Variants in FUT8 observed in about 807,000 individuals in gnomAD.
FUT8 encodes alpha-(1,6)-fucosyltransferase.
A neutral mutation model predicts 71.3 loss-of-function variants in FUT8; 29 were observed. The observed-to-expected ratio is 0.41, with a 90% confidence interval of 0.30 to 0.55. FUT8 has a LOEUF of 0.55. Among genes scored for constraint, FUT8 ranks in the 20% least tolerant of loss-of-function variants. The pLI, the probability that FUT8 is intolerant of heterozygous loss-of-function variation, is 0.34. For synonymous variants in FUT8, 254 were observed against 239.3 expected, an observed-to-expected ratio of 1.06 and a Z score of -0.57; for missense variants, 544 against 702.1, an observed-to-expected ratio of 0.77 and a Z score of 2.55.
chr14:65,530,825 C>A (rs1037729359), intron 2 of FUT8, among the ~76,000 whole-genome samples: 1 of 150,764 alleles, frequency 6.6e-6, no homozygotes, highest in Non-Finnish European at 1.5e-5. Flanking sequence ...CTCTCTCTCT[C>A]TCTCTCCCTC....
At chr14:65,559,884 TA>T (rs1328695578) in intron 2 of FUT8, among the ~76,000 whole-genome samples, 4 of 152,162 alleles carry the variant, frequency 2.6e-5, no homozygotes, top group African/African-American at 9.7e-5. Flanking sequence ...TAAGAATAGT[TA>T]TTAAAACAAC....
intron 2 of FUT8, among the ~76,000 whole-genome samples, chr14:65,475,068 G>C (rs2066215068): frequency 6.6e-6 from 1 of 152,100 alleles, no homozygotes. Context: ...TGCATACAAG[G>C]ATGATCTCAT....
At chr14:65,552,676 C>G (rs553718163) in intron 2 of FUT8, among the ~76,000 whole-genome samples, 3 of 152,312 alleles carry the variant, frequency 2.0e-5, no homozygotes, top group Non-Finnish European at 4.4e-5. Flanking sequence ...GCTCCCTTCT[C>G]TACTGCAGCT....
Position 65,571,200 on chromosome 14 carries a change from A to G in FUT8, c.203+9434A>G, listed in dbSNP as rs554564117. Among the ~76,000 whole-genome samples, 7 of 152,180 alleles carry G rather than the reference A, an allele frequency of 4.6e-5. No individual in the cohort carries two copies. In the South Asian group the frequency reaches 1.5e-3, roughly 32 times the overall value. The stretch of plus-strand genomic sequence containing the variant: ...TAACTGTCAGTAATCTTTTTCAATG[A>G]CTGATATAATGAACCTGTTAGGAGA... On this transcript the variant is annotated intron_variant, in intron 3 of 10. Transcript: ENST00000673929.
chr14:65,546,945 T>C (rs1885017718), intron 2 of FUT8, among the ~76,000 whole-genome samples: 1 of 151,774 alleles, frequency 6.6e-6, no homozygotes. Context: ...TATTCTTTAT[T>C]GAGCTTCAGT....
chr14:65,586,539 A>G (rs1887394360), intron 3 of FUT8, among the ~76,000 whole-genome samples: 1 of 152,234 alleles, frequency 6.6e-6, no homozygotes. Context: ...TTTGGAATCT[A>G]ATGTATTTGA....
At chr14:65,424,794 G>A (rs1317686027) in intron 1 of FUT8, among the ~76,000 whole-genome samples, 3 of 151,788 alleles carry the variant, frequency 2.0e-5, no homozygotes, top group Admixed American at 2.0e-4. Context: ...CAAGTAGCTG[G>A]GACTGCAGGT....
chr14:65,569,885 G>A (rs1886384688), intron 3 of FUT8, among the ~76,000 whole-genome samples: 1 of 151,958 alleles, frequency 6.6e-6, no homozygotes, highest in Admixed American at 6.6e-5. Flanking sequence ...TTTAGTTTTA[G>A]TAAAACCTAG....
chr14:65,702,521 G>A (rs955719915), intron 7 of FUT8, among the ~76,000 whole-genome samples: 13 of 152,128 alleles, frequency 8.5e-5, no homozygotes, highest in African/African-American at 2.9e-4. Context: ...AAATGCAGCG[G>A]CTATGTTAGA....
rs1316222548 is a variant in FUT8, at chr14:65,498,202, A to G, written c.-228+42484A>G. 2.0e-5 allele frequency among the ~76,000 whole-genome samples: 3 copies of G among 152,150 alleles called. No individual in the cohort carries two copies. In the East Asian group the frequency reaches 5.8e-4, roughly 29 times the overall value. ...TCTCACTCGACTTTTTAGGAAATCA[A>G]GTTGTATCCCCACAGTGCTTCACAT... On this transcript the variant is annotated intron_variant, in intron 2 of 10. Coordinates refer to ENST00000673929, the MANE Select transcript of FUT8 (RefSeq NM_001371533.1).
chr14:65,439,954 G>GTATACATA (rs1555360999), intron 1 of FUT8, among the ~76,000 whole-genome samples: 2 of 74,984 alleles, frequency 2.7e-5, no homozygotes, highest in Non-Finnish European at 5.0e-5. Context: ...GTGTGTGTGT[G>GTATACATA]TATATATATA....
chr14:65,531,925 T>C (rs916423206), intron 2 of FUT8, among the ~76,000 whole-genome samples: 1 of 152,354 alleles, frequency 6.6e-6, no homozygotes, highest in South Asian at 2.1e-4. Flanking sequence ...TCTACTTCTA[T>C]CCATGTTACT....
intron 7 of FUT8, among the ~76,000 whole-genome samples, chr14:65,713,548 A>G (rs1037251943): frequency 6.6e-6 from 1 of 152,192 alleles, no homozygotes; most frequent in African/African-American, 2.4e-5. Flanking sequence ...TTTTCTGCAC[A>G]TACTTGCCAG....
At chr14:65,480,241 ATGATAACATCCATCT>A (rs1358250828) in intron 2 of FUT8, among the ~76,000 whole-genome samples, 1 of 149,528 alleles carries the variant, frequency 6.7e-6, no homozygotes, top group Non-Finnish European at 1.5e-5. Flanking sequence ...TCCCATCATT[ATGATAACATCCATCT>A]TGGTAGTAGT....
At chr14:65,633,003 C>CCCCCCCCA (rs1890277528) in intron 6 of FUT8, among the ~76,000 whole-genome samples, 3 of 128,202 alleles carry the variant, frequency 2.3e-5, no homozygotes, top group Admixed American at 7.7e-5. Flanking sequence ...CCCCTCTCCC[C>CCCCCCCCA]TCCCCCCCCC....
At chr14:65,418,245 C>T (rs777343554) in intron 1 of FUT8, among the ~76,000 whole-genome samples, 14 of 152,098 alleles carry the variant, frequency 9.2e-5, no homozygotes, top group Non-Finnish European at 1.9e-4. Flanking sequence ...TTACCTTTAA[C>T]GTATAACTAA....
At chr14:65,582,962 T>C (rs1391271971) in intron 3 of FUT8, among the ~76,000 whole-genome samples, 1 of 152,196 alleles carries the variant, frequency 6.6e-6, no homozygotes, top group Non-Finnish European at 1.5e-5. Flanking sequence ...CTTAGTCCAG[T>C]ACCTCTGGCA....
intron 3 of FUT8, among the ~76,000 whole-genome samples, chr14:65,615,306 T>C (rs960597582): frequency 6.6e-6 from 1 of 152,086 alleles, no homozygotes; most frequent in Non-Finnish European, 1.5e-5. Context: ...GGGGGATTGC[T>C]GTGTTGCCCA....
intron 2 of FUT8, among the ~76,000 whole-genome samples, chr14:65,552,176 T>TA (rs1383039868): frequency 1.3e-5 from 2 of 152,218 alleles, no homozygotes; most frequent in African/African-American, 4.8e-5. Flanking sequence ...GAATAGTTTA[T>TA]ATTCAGTTTC....
Sources: gnomAD v4.1 joint callset for allele counts (sites outside exome capture counted in the v4.1 genomes callset) on GRCh38, gnomAD v4.1.1 for gene constraint, MANE v1.5 for transcripts, NCBI Gene and HGNC (gene_info 2026-07-23, HGNC 2026-07-21) for gene names.